Variants in HSD11B1 observed in about 807,000 individuals in gnomAD.
HSD11B1 encodes 11-beta-hydroxysteroid dehydrogenase 1.
HSD11B1 carries 15 observed loss-of-function variants against 22.1 expected under a neutral mutation model. The observed-to-expected ratio is 0.68, with a 90% CI of 0.45 to 1.04. HSD11B1 has a LOEUF of 1.04. HSD11B1 is among the 50% of genes least tolerant of loss of function. HSD11B1 has a pLI of 0.00. For missense variants in HSD11B1, 281 were observed against 357.6 expected (o/e 0.79, Z 1.73); for synonymous variants, 122 against 125.2 (o/e 0.97, Z 0.17).
upstream of HSD11B1, among the ~76,000 whole-genome samples, chr1:209,702,811 C>T (rs1384095103): frequency 5.3e-5 from 8 of 152,292 alleles, no homozygotes; most frequent in Middle Eastern, 3.4e-3. Context: ...AATTTGAGAA[C>T]TGGTAAGATT....
Position 209,734,717 on chromosome 1 carries a change from G to T in HSD11B1, c.*196G>T. 3.7e-6 allele frequency: 2 copies of T among 544,268 alleles called. No individual in the cohort carries two copies. Among genetic ancestry groups the T allele is most frequent in the Non-Finnish European group, 6.6e-6 (2 of 302,302 alleles). The allele number at this position is 544,268 out of a possible 1,614,324, so 33.7% of individuals were successfully genotyped here. On this transcript the variant is annotated 3_prime_UTR_variant, in exon 6 of 6. Transcript: ENST00000367027. ...GTAATAATAATGAATGTCATGCACC[G>T]CTGCAGCCAGCAGTTGTAAAATTGT...
chr1:209,715,037 G>A (rs2076921645), intron 4 of HSD11B1, among the ~76,000 whole-genome samples: 1 of 152,192 alleles, frequency 6.6e-6, no homozygotes, highest in Non-Finnish European at 1.5e-5. Flanking sequence ...GGGTAAAGAA[G>A]GCATTCACCA....
In HSD11B1 at chr1:209,706,814, C is replaced by A. The variant is rs780563325; in HGVS notation, c.325C>A (p.Leu109Ile). ...AEQFVAQAGK[L>I]MGGLDMLILN... ...GCAATTTGTTGCCCAAGCAGGAAAG[C>A]TCATGGGTGAGGCTGTTTCTCTTAC... Residue 109 changes from leucine (L) to isoleucine (I), a missense_variant, in exon 3 of 6, where the codon CTC becomes ATC. Physicochemically the swap from Leu to Ile is conservative, Grantham distance 5 (BLOSUM62 2). Transcript: ENST00000367027. The surrounding 1 kb of genome is among the most constrained non-coding windows in gnomAD (Gnocchi z 4.0). 74 of 1,613,548 alleles carry A rather than the reference C, an allele frequency of 4.6e-5. No individual in the cohort carries two copies. Among genetic ancestry groups the A allele is most frequent in the Non-Finnish European group, 6.0e-5 (71 of 1,179,578 alleles).
In HSD11B1 at chr1:209,732,522, T is replaced by G; in HGVS notation, c.604T>G (p.Ser202Ala). The change falls in exon 5 of 6, where the codon TCA becomes GCA. Residue 202 changes from serine to alanine, a missense_variant. Coordinates refer to ENST00000367027, the MANE Select transcript of HSD11B1 (RefSeq NM_005525.4). ...CTTCTCCTCCATCAGAAAGGAATAT[T>G]CAGTGTCCAGGGTCAATGTATCAAT... ...GFFSSIRKEY[S>A]VSRVNVSITL... is the part of the protein sequence containing the mutation. The G allele has an allele frequency of 6.2e-7, 1 of 1,614,010 alleles. No homozygotes were observed. The highest frequency in any genetic ancestry group is 1.6e-4 in the Middle Eastern group (1 of 6,062).
intron 1 of HSD11B1, among the ~76,000 whole-genome samples, chr1:209,695,539 G>A (rs1438257009): frequency 2.0e-5 from 3 of 152,164 alleles, no homozygotes; most frequent in Non-Finnish European, 2.9e-5. Flanking sequence ...GGCTGGGTGC[G>A]GTGGCTCACA....
At chr1:209,689,798 C>T (rs1312371708) in intron 1 of HSD11B1, among the ~76,000 whole-genome samples, 1 of 152,196 alleles carries the variant, frequency 6.6e-6, no homozygotes, top group Non-Finnish European at 1.5e-5. Context: ...AAACAGAACC[C>T]TTTTCTTTAA....
intron 1 of HSD11B1, among the ~76,000 whole-genome samples, chr1:209,692,217 A>G (rs931835968): frequency 6.6e-6 from 1 of 152,208 alleles, no homozygotes; most frequent in Admixed American, 6.5e-5. Context: ...CTAATTACCC[A>G]AAGTAGAAGT....
intron 4 of HSD11B1, among the ~76,000 whole-genome samples, chr1:209,716,971 G>C (rs1224487926): frequency 4.6e-5 from 7 of 152,114 alleles, no homozygotes. Context: ...AATGTAGGGA[G>C]AACATTCCAT....
At chr1:209,689,206 C>A (rs974379349) in intron 1 of HSD11B1, among the ~76,000 whole-genome samples, 1 of 152,136 alleles carries the variant, frequency 6.6e-6, no homozygotes. Flanking sequence ...GCTCCCAGAA[C>A]ACAAACAGCC....
At chr1:209,716,857 G>A (rs1222613743) in intron 4 of HSD11B1, among the ~76,000 whole-genome samples, 1 of 152,158 alleles carries the variant, frequency 6.6e-6, no homozygotes, top group African/African-American at 2.4e-5. Flanking sequence ...ATATTCATAT[G>A]CAGAAGAATG....
At chr1:209,732,320 G>A in intron 4 of HSD11B1, 116 bp from the exon 5 acceptor site, 1 of 1,097,676 alleles carries the variant, frequency 9.1e-7, no homozygotes, top group Non-Finnish European at 1.4e-6. Context: ...GGAATATAGA[G>A]AAACTAAGAC....
chr1:209,727,659 C>T (rs928937924), intron 4 of HSD11B1, among the ~76,000 whole-genome samples: 1 of 152,144 alleles, frequency 6.6e-6, no homozygotes, highest in African/African-American at 2.4e-5. Flanking sequence ...AAATTTGAAT[C>T]CTGGTTTGAA....
At chr1:209,693,785 C>G (rs1176082601) in intron 1 of HSD11B1, among the ~76,000 whole-genome samples, 1 of 152,242 alleles carries the variant, frequency 6.6e-6, no homozygotes, top group East Asian at 1.9e-4. Flanking sequence ...CTCCATGCTT[C>G]TCAAGTGCCT....
intron 4 of HSD11B1, among the ~76,000 whole-genome samples, chr1:209,720,742 G>A (rs1364027191): frequency 6.6e-6 from 1 of 151,886 alleles, no homozygotes; most frequent in Non-Finnish European, 1.5e-5. Context: ...GATATTATTG[G>A]CACACATGAC....
At chr1:209,719,291 C>A (rs893179071) in intron 4 of HSD11B1, among the ~76,000 whole-genome samples, 1 of 152,076 alleles carries the variant, frequency 6.6e-6, no homozygotes, top group African/African-American at 2.4e-5. Context: ...GGAAATAAGC[C>A]AGCCACAGAA....
Position 209,723,124 on chromosome 1 carries a change from T to C in HSD11B1, c.518-9312T>C, listed in dbSNP as rs569606137. Among the ~76,000 whole-genome samples the C allele has an allele frequency of 2.0e-5, 3 of 152,312 alleles. No individual in the cohort carries two copies. The South Asian group carries it at 6.2e-4, about 32-fold the overall frequency. On this transcript the variant is annotated intron_variant, in intron 4 of 5. Transcript: ENST00000367027. ...CTGCCTTCATCCTTCTAAGACTCTG[T>C]GTCCCATATTTTGCTTCAGAAAATA... is the stretch of plus-strand genomic sequence containing the variant.
chr1:209,728,767 G>C (rs569887797), intron 4 of HSD11B1, among the ~76,000 whole-genome samples: 1 of 152,194 alleles, frequency 6.6e-6, no homozygotes, highest in East Asian at 1.9e-4. Context: ...AAATGTGTTG[G>C]AAGAAAAAGA....
At position 209,691,533 on chromosome 1, in the gene HSD11B1, T is replaced by A. The variant is rs576411043; in HGVS notation, c.-49+5248T>A. The stretch of plus-strand genomic sequence containing the variant: ...AGGAGCTCATAGATTACTCAATTAA[T>A]TTGACCTATTTATTTGAATTTTATA... On this transcript the variant is annotated intron_variant, in intron 1 of 6. Coordinates refer to the HSD11B1 transcript ENST00000261465. Among the ~76,000 whole-genome samples the A allele has an allele frequency of 3.1e-4, 47 of 151,554 alleles. No individual in the cohort carries two copies. The South Asian group carries it at 9.4e-3, about 30-fold the overall frequency.
intron 4 of HSD11B1, among the ~76,000 whole-genome samples, chr1:209,729,636 A>T (rs995081319): frequency 1.3e-5 from 2 of 152,140 alleles, no homozygotes; most frequent in South Asian, 4.2e-4. Context: ...CCTTTTAAGG[A>T]TGTGTCCCAA....
Sources: allele counts gnomAD v4.1 joint callset (sites outside exome capture counted in the v4.1 genomes callset), GRCh38; gene constraint gnomAD v4.1.1; non-coding constraint Gnocchi (gnomAD v3.1); transcripts MANE v1.5; gene names NCBI Gene and HGNC (gene_info 2026-07-23, HGNC 2026-07-21).